NLGN1: variants seen among roughly 807,000 people sequenced by gnomAD.
The protein encoded by NLGN1 is neuroligin-1.
Under a neutral mutation model 65.5 loss-of-function variants are expected in NLGN1, and 12 were observed. That is an observed-to-expected ratio of 0.18 (90% CI 0.12 to 0.30). NLGN1 has a LOEUF of 0.30. Ranked by LOEUF, NLGN1 falls within the 10% of genes least tolerant of loss-of-function variation. The probability of loss-of-function intolerance (pLI) is 1.00; values close to 1 mark genes in which losing one functional copy is unlikely to be tolerated. For missense variants in NLGN1, 750 were observed against 1,007.1 expected (o/e 0.74, Z 3.46); for synonymous variants, 350 against 359.5 (o/e 0.97, Z 0.30).
At chr3:173,690,219 TGTGCTAAAACATTTTTTAAAA>T (rs1424126803) in intron 3 of NLGN1, among the ~76,000 whole-genome samples, 1 of 152,202 alleles carries the variant, frequency 6.6e-6, no homozygotes, top group African/African-American at 2.4e-5. Context: ...TATTAAATAT[TGTGCTAAAACATTTTTTAAAA>T]GTCTCTACTC....
intron 4 of NLGN1, among the ~76,000 whole-genome samples, chr3:174,009,127 G>T (rs75664582): frequency 5.6e-4 from 85 of 152,240 alleles, no homozygotes; most frequent in African/African-American, 2.0e-3. Context: ...ATAGATGGAG[G>T]TCTCACCACT....
chr3:173,605,175 T>C lies in NLGN1; in HGVS notation c.493+84T>C, dbSNP rs935536016. ...TCTAACAATATTAATTCATGTGTAC[T>C]GGTAGTATGCATGGCTTTTCCTGTT... On this transcript the variant is annotated intron_variant, in intron 3 of 6. Transcript: ENST00000457714. The C allele has an allele frequency of 4.4e-6, 5 of 1,137,434 alleles. No homozygotes were observed. The African/African-American group carries it at 7.9e-5, about 18-fold the overall frequency. 70.5% of individuals were successfully genotyped at this position (1,137,434 alleles called of 1,614,324 possible).
At chr3:173,464,427 C>A (rs1479146967) in intron 2 of NLGN1, among the ~76,000 whole-genome samples, 2 of 130,444 alleles carry the variant, frequency 1.5e-5, no homozygotes, top group African/African-American at 5.9e-5. Context: ...CCCATGGTAT[C>A]AGTTACAATT....
rs1277725838 is a variant in NLGN1 at position 174,173,692 on chromosome 3, TTG to T, written c.647-101611_647-101610del. Among the ~76,000 whole-genome samples the T allele has an allele frequency of 3.3e-5, 5 of 151,142 alleles. No homozygotes were observed. The East Asian group carries it at 9.7e-4, about 29-fold the overall frequency. On this transcript the variant is annotated intron_variant, in intron 4 of 6. Coordinates refer to ENST00000457714, the Ensembl canonical transcript of NLGN1. ...TCCACTTGGTCACAGTGAAGATCTT[TTG>T]TGTGTGTGTGTATGTTTGTGTGTGT... is the stretch of plus-strand genomic sequence containing the variant.
chr3:173,612,540 A>G (rs1391574163), intron 3 of NLGN1, among the ~76,000 whole-genome samples: 1 of 151,876 alleles, frequency 6.6e-6, no homozygotes, highest in African/African-American at 2.4e-5. Context: ...TCCAATTTCT[A>G]GCTCTGTTGT....
chr3:173,733,993 T>C (rs1157416352), intron 3 of NLGN1, among the ~76,000 whole-genome samples: 1 of 152,106 alleles, frequency 6.6e-6, no homozygotes, highest in Admixed American at 6.6e-5. Context: ...ACAAAAGATA[T>C]AATATTACCG....
intron 3 of NLGN1, among the ~76,000 whole-genome samples, chr3:173,729,447 A>G (rs1272297456): frequency 2.0e-5 from 3 of 152,136 alleles, no homozygotes; most frequent in South Asian, 2.1e-4. Flanking sequence ...TTTGGTATCT[A>G]AAGATTTTTG....
At chr3:173,830,738 G>A (rs950548143) in intron 4 of NLGN1, among the ~76,000 whole-genome samples, 5 of 152,098 alleles carry the variant, frequency 3.3e-5, no homozygotes, top group East Asian at 1.9e-4. Flanking sequence ...CATATATTAC[G>A]TACATTGCAC....
At chr3:173,415,943 A>AGAGAGAGAGAGAGAGCGCGC (rs141095727) in intron 1 of NLGN1, among the ~76,000 whole-genome samples, 5 of 142,874 alleles carry the variant, frequency 3.5e-5, no homozygotes, top group African/African-American at 1.4e-4. Flanking sequence ...AGAGAGAGAG[A>AGAGAGAGAGAGAGAGCGCGC]GCTTGGTATA....
intron 3 of NLGN1, among the ~76,000 whole-genome samples, chr3:173,609,657 C>T (rs1174445013): frequency 2.0e-5 from 3 of 151,960 alleles, no homozygotes; most frequent in Non-Finnish European, 2.9e-5. Flanking sequence ...TTATTGAGTA[C>T]TTACTCTGTG....
chr3:174,133,197 A>G (rs1720538455), intron 4 of NLGN1, among the ~76,000 whole-genome samples: 1 of 152,226 alleles, frequency 6.6e-6, no homozygotes, highest in Non-Finnish European at 1.5e-5. Context: ...TACAGTGTGT[A>G]GGAAGGGGAG....
intron 2 of NLGN1, among the ~76,000 whole-genome samples, chr3:173,567,385 T>A (rs1390553249): frequency 6.6e-6 from 1 of 151,980 alleles, no homozygotes; most frequent in East Asian, 1.9e-4. Flanking sequence ...AAAAATGAAA[T>A]ATTTTGTAGT....
intron 4 of NLGN1, among the ~76,000 whole-genome samples, chr3:173,876,996 T>C (rs1732242471): frequency 1.3e-5 from 2 of 152,128 alleles, no homozygotes; most frequent in Non-Finnish European, 2.9e-5. Context: ...TTCAAATTGG[T>C]GAGTAAAACT....
intron 3 of NLGN1, among the ~76,000 whole-genome samples, chr3:173,616,364 C>T (rs1017114635): frequency 6.6e-6 from 1 of 152,076 alleles, no homozygotes; most frequent in Non-Finnish European, 1.5e-5. Flanking sequence ...CTGTCACCCA[C>T]ACTTGAGACA....
At chr3:174,057,494 C>T (rs6445137) in intron 4 of NLGN1, 23,122 of 152,018 alleles carry the variant, frequency 0.15, 1,827 homozygotes, top group East Asian at 0.18. Context: ...AGACATGGGG[C>T]ATAGAAATGA....
At chr3:173,978,190 C>A (rs1162077112) in intron 4 of NLGN1, among the ~76,000 whole-genome samples, 1 of 152,094 alleles carries the variant, frequency 6.6e-6, no homozygotes, top group Non-Finnish European at 1.5e-5. Flanking sequence ...TTCATTTAAG[C>A]CTTCATCATC....
intron 4 of NLGN1, among the ~76,000 whole-genome samples, chr3:173,893,786 G>T (rs1416841751): frequency 1.3e-5 from 2 of 151,870 alleles, no homozygotes; most frequent in African/African-American, 4.8e-5. Context: ...ATACAATTTT[G>T]TTTTCCTCTG....
intron 4 of NLGN1, among the ~76,000 whole-genome samples, chr3:174,179,417 T>C (rs1268042418): frequency 1.3e-5 from 2 of 152,082 alleles, no homozygotes; most frequent in Non-Finnish European, 2.9e-5. Flanking sequence ...AGTATTGCAA[T>C]AGAATAATGA....
intron 4 of NLGN1, among the ~76,000 whole-genome samples, chr3:174,024,017 G>A (rs1316913903): frequency 6.6e-6 from 1 of 152,022 alleles, no homozygotes; most frequent in East Asian, 1.9e-4. Context: ...GTGCAAGTAA[G>A]TACATGTGGA....
Sources: allele counts gnomAD v4.1 joint callset (sites outside exome capture counted in the v4.1 genomes callset), GRCh38; gene constraint gnomAD v4.1.1; transcripts MANE v1.5; gene names NCBI Gene and HGNC (gene_info 2026-07-23, HGNC 2026-07-21).